The following CACNA2D3 variants were observed in gnomAD, a reference collection of about 807,000 sequenced individuals.
The protein encoded by CACNA2D3 is voltage-dependent calcium channel subunit alpha-2/delta-3.
In CACNA2D3, 60 loss-of-function variants were observed where a neutral mutation model predicts 160.6. The observed-to-expected ratio is 0.37, with a 90% CI of 0.30 to 0.46. The LOEUF (loss-of-function observed/expected upper bound fraction) is 0.46. Among genes scored for constraint, CACNA2D3 ranks in the 20% least tolerant of loss-of-function variants. CACNA2D3 has a pLI of 1.00. For synonymous variants in CACNA2D3, 558 were observed against 492.9 expected (o/e 1.13, Z -1.75); for missense variants, 1,205 against 1,365.0 (o/e 0.88, Z 1.85).
chr3:54,177,871 C>T (rs751669303), intron 2 of CACNA2D3: 4 of 152,044 alleles, frequency 2.6e-5, no homozygotes, highest in Non-Finnish European at 5.9e-5. Context: ...TCTTGAATTC[C>T]AGCTCTGTGA....
chr3:54,350,896 A>AAG, intron 3 of CACNA2D3, among the ~76,000 whole-genome samples: 1 of 151,378 alleles, frequency 6.6e-6, no homozygotes, highest in East Asian at 1.9e-4. Flanking sequence ...GTCACTTGGT[A>AAG]AGGGCATACA....
intron 3 of CACNA2D3, among the ~76,000 whole-genome samples, chr3:54,365,431 C>T (rs754077500): frequency 1.1e-4 from 16 of 152,288 alleles, no homozygotes; most frequent in Non-Finnish European, 1.6e-4. Flanking sequence ...GTGTGGAATG[C>T]GTGATGGAGA....
At position 54,871,613 on chromosome 3, in the gene CACNA2D3, A is replaced by C; in HGVS notation, c.1701A>C (p.Arg567=). 2 of 1,612,092 alleles carry C rather than the reference A, an allele frequency of 1.2e-6. No homozygotes were observed. The highest frequency in any genetic ancestry group is 1.7e-6 in the Non-Finnish European group (2 of 1,178,208). ...VDLSEVEWED[R]DDVLRNAMVN... Reference sequence around the variant, plus strand: ...TCTCTGAGGTGGAGTGGGAAGACCGAGATGACGTGGTAAGTGATTTGTTTT... The same window carrying C: ...TCTCTGAGGTGGAGTGGGAAGACCGCGATGACGTGGTAAGTGATTTGTTTT... Residue 567 remains arginine (R), a synonymous_variant, in exon 18 of 38, where the codon CGA becomes CGC. Transcript: ENST00000474759.
intron 9 of CACNA2D3, among the ~76,000 whole-genome samples, chr3:54,597,863 A>G (rs1702983443): frequency 6.6e-6 from 1 of 152,172 alleles, no homozygotes; most frequent in Non-Finnish European, 1.5e-5. Flanking sequence ...AATTTTAGAA[A>G]TGGAAATGCC....
chr3:54,441,484 A>G (rs1700143608), intron 4 of CACNA2D3, among the ~76,000 whole-genome samples: 1 of 152,074 alleles, frequency 6.6e-6, no homozygotes, highest in Non-Finnish European at 1.5e-5. Flanking sequence ...GAAGCTGTTT[A>G]GTTTAATTAT....
intron 14 of CACNA2D3, among the ~76,000 whole-genome samples, chr3:54,831,979 TC>T (rs371735872): frequency 3.4e-5 from 5 of 146,156 alleles, no homozygotes; most frequent in African/African-American, 1.3e-4. Context: ...CTCTTTTTTT[TC>T]CTCCCTCCCT....
At chr3:54,347,141 T>G (rs983277624) in intron 3 of CACNA2D3, among the ~76,000 whole-genome samples, 1 of 152,144 alleles carries the variant, frequency 6.6e-6, no homozygotes, top group Non-Finnish European at 1.5e-5. Flanking sequence ...GTGCTGCATA[T>G]TTTATACGCA....
chr3:54,238,996 C>T (rs1348753224), intron 2 of CACNA2D3, among the ~76,000 whole-genome samples: 1 of 152,156 alleles, frequency 6.6e-6, no homozygotes, highest in East Asian at 1.9e-4. Context: ...TAAAATGTAA[C>T]CATACTGTGG....
At chr3:54,904,470 C>T (rs1482836805) in intron 27 of CACNA2D3, among the ~76,000 whole-genome samples, 1 of 152,114 alleles carries the variant, frequency 6.6e-6, no homozygotes, top group Non-Finnish European at 1.5e-5. Context: ...GATACTCAAT[C>T]CCAATATTTG....
chr3:54,405,614 CT>C (rs1699561180), intron 4 of CACNA2D3, among the ~76,000 whole-genome samples: 1 of 152,056 alleles, frequency 6.6e-6, no homozygotes, highest in East Asian at 1.9e-4. Context: ...CATAAAACTG[CT>C]AGAAGAAAAT....
chr3:54,870,797 G>T (rs1267206964), intron 17 of CACNA2D3, among the ~76,000 whole-genome samples: 2 of 152,164 alleles, frequency 1.3e-5, no homozygotes, highest in Admixed American at 6.5e-5. Context: ...GTTCAGTACT[G>T]CTGTGGCCAG....
intron 2 of CACNA2D3, among the ~76,000 whole-genome samples, chr3:54,194,630 A>AT (rs1159315884): frequency 2.6e-5 from 4 of 152,182 alleles, no homozygotes; most frequent in Non-Finnish European, 5.9e-5. Context: ...ACATGAATTT[A>AT]TTTTCTCATA....
Position 54,762,516 on chromosome 3 carries a change from G to C in CACNA2D3, c.1247-1702G>C, listed in dbSNP as rs114043677. On this transcript the variant is annotated intron_variant, in intron 12 of 37. Transcript: ENST00000474759. ...TTACTCAGAACTGCCAGGCCCCAGGGGGGGCAGGGGTCTTGCTCACCTTGT... is the reference window on the plus strand; with the variant it reads ...TTACTCAGAACTGCCAGGCCCCAGGCGGGGCAGGGGTCTTGCTCACCTTGT... Among the ~76,000 whole-genome samples, 539 of 152,310 alleles carry C rather than the reference G, an allele frequency of 3.5e-3. 3 individuals carry two copies. Among genetic ancestry groups the C allele is most frequent in the African/African-American group, 0.012 (493 of 41,564 alleles).
intron 10 of CACNA2D3, among the ~76,000 whole-genome samples, chr3:54,628,924 G>A (rs578082722): frequency 2.8e-4 from 43 of 152,224 alleles, no homozygotes; most frequent in Admixed American, 1.6e-3. Flanking sequence ...GGAAGGACCT[G>A]TCCTGTGGAA....
chr3:54,717,161 G>A (rs1413858242), intron 11 of CACNA2D3, among the ~76,000 whole-genome samples: 1 of 152,096 alleles, frequency 6.6e-6, no homozygotes, highest in Non-Finnish European at 1.5e-5. Context: ...TGTGTGCCAA[G>A]GGTTTGTTTT....
intron 14 of CACNA2D3, among the ~76,000 whole-genome samples, chr3:54,821,697 T>TCTCTTTCTTTCTTTCC (rs1703603654): frequency 1.2e-5 from 1 of 84,096 alleles, no homozygotes; most frequent in Non-Finnish European, 2.4e-5. Context: ...TCTTTCTTTC[T>TCTCTTTCTTTCTTTCC]TTCCTTCCTT....
chr3:55,008,311 G>A (rs1703139756), intron 33 of CACNA2D3, among the ~76,000 whole-genome samples: 1 of 152,168 alleles, frequency 6.6e-6, no homozygotes, highest in Non-Finnish European at 1.5e-5. Context: ...CTATGGTCTT[G>A]TTTGGAGGTG....
At chr3:54,308,572 A>C (rs1044880485) in intron 2 of CACNA2D3, among the ~76,000 whole-genome samples, 3 of 152,180 alleles carry the variant, frequency 2.0e-5, no homozygotes, top group Admixed American at 2.0e-4. Flanking sequence ...TGGTTACATG[A>C]GCAAGAAATA....
At chr3:54,821,684 CT>C (rs1703601713) in intron 14 of CACNA2D3, among the ~76,000 whole-genome samples, 1 of 131,146 alleles carries the variant, frequency 7.6e-6, no homozygotes, top group East Asian at 2.2e-4. Flanking sequence ...TTCTTTCTTT[CT>C]TTCTTTCTTT....
Sources: gnomAD v4.1 joint callset for allele counts (sites outside exome capture counted in the v4.1 genomes callset) on GRCh38, gnomAD v4.1.1 for gene constraint, MANE v1.5 for transcripts, NCBI Gene and HGNC (gene_info 2026-07-23, HGNC 2026-07-21) for gene names.